CD5L: variants seen among roughly 807,000 people sequenced by gnomAD.
CD5L encodes the protein CD5 molecule like.
Under a neutral mutation model 40.8 loss-of-function variants are expected in CD5L, and 39 were observed. That is an observed-to-expected ratio of 0.96 (90% CI 0.74 to 1.25). The LOEUF is 1.25. Ranked by LOEUF, CD5L falls within the 50% of genes most tolerant of loss-of-function variation. CD5L has a pLI of 0.00. For missense variants in CD5L, 433 were observed against 435.9 expected, an observed-to-expected ratio of 0.99 and a Z score of 0.06; for synonymous variants, 192 against 169.6, an observed-to-expected ratio of 1.13 and a Z score of -1.03.
At chr1:157,841,312 G>A (rs993018895) in intron 1 of CD5L, among the ~76,000 whole-genome samples, 1 of 152,206 alleles carries the variant, frequency 6.6e-6, no homozygotes, top group Non-Finnish European at 1.5e-5. Flanking sequence ...AATGAAAGGT[G>A]ATTGTCTTGC....
At chr1:157,840,549 C>T (rs1656342225) in intron 1 of CD5L, among the ~76,000 whole-genome samples, 1 of 152,142 alleles carries the variant, frequency 6.6e-6, no homozygotes, top group African/African-American at 2.4e-5. Flanking sequence ...CAGAATGTGG[C>T]CACTCTCAGG....
rs1215260089 is a variant in CD5L at position 157,831,379 on chromosome 1, A to G, written c.*585T>C. The G allele has an allele frequency of 7.1e-6, 7 of 984,778 alleles. No individual in the cohort carries two copies. The highest frequency in any genetic ancestry group is 3.5e-5 in the African/African-American group (2 of 57,046). 61.0% of individuals were successfully genotyped at this position (984,778 alleles called of 1,614,324 possible). A position where few individuals can be genotyped will look rare whatever the true frequency, so the allele number is the denominator to read the frequency against. On this transcript the variant is annotated 3_prime_UTR_variant, in exon 6 of 6. Coordinates refer to ENST00000368174, the MANE Select transcript of CD5L (RefSeq NM_005894.3). ...TGCTCTGCTCCTGAAAGAATTGTCT[A>G]CCTACACTAAGAAATAACAGAATAG...
chr1:157,839,697 G>A (rs1656313440), intron 1 of CD5L, among the ~76,000 whole-genome samples: 1 of 115,300 alleles, frequency 8.7e-6, no homozygotes, highest in African/African-American at 3.5e-5. Context: ...CAATTAGATT[G>A]ATTGGTTGTT....
chr1:157,840,688 G>A (rs569123238), intron 1 of CD5L, among the ~76,000 whole-genome samples: 3 of 152,300 alleles, frequency 2.0e-5, no homozygotes, highest in South Asian at 4.1e-4. Flanking sequence ...TGATATGCAG[G>A]TGCAAACGTG....
At chr1:157,828,675 G>A (rs2765494), downstream of CD5L, among the ~76,000 whole-genome samples, 151,630 of 152,354 alleles carry the variant, frequency 1, 75,462 homozygotes, top group Middle Eastern at 1. Flanking sequence ...TGCTCACTTT[G>A]TTGGGTTTTC....
downstream of CD5L, among the ~76,000 whole-genome samples, chr1:157,828,975 C>T (rs1360606579): frequency 1.3e-5 from 2 of 152,212 alleles, no homozygotes; most frequent in African/African-American, 4.8e-5. Flanking sequence ...CTTATTATCT[C>T]CACATGGAGA....
rs758820571 is a variant in CD5L at position 157,833,248 on chromosome 1, C to A, written c.983G>T (p.Arg328Ile). ...EEQSLEQCQH[R>I]FWGFHDCTHQ... ...GGTGCAGTCGTGAAACCCCCAAAAT[C>A]TGTGCTGGCACTGCTCCAGGGACTG... Residue 328 changes from arginine (R) to isoleucine (I), a missense_variant, in exon 5 of 6, where the codon AGA becomes ATA. Coordinates refer to ENST00000368174, the MANE Select transcript of CD5L (RefSeq NM_005894.3). 47 of 1,614,094 alleles carry A rather than the reference C, an allele frequency of 2.9e-5. No individual in the cohort carries two copies. The highest frequency in any genetic ancestry group is 3.7e-5 in the Non-Finnish European group (44 of 1,180,044).
intron 5 of CD5L, among the ~76,000 whole-genome samples, 166 bp downstream of exon 5, chr1:157,833,026 G>C (rs1002342977): frequency 6.6e-6 from 1 of 152,070 alleles, no homozygotes; most frequent in African/African-American, 2.4e-5. Flanking sequence ...CTACCACAGG[G>C]CCTGGACTTC....
intron 2 of CD5L, among the ~76,000 whole-genome samples, chr1:157,837,966 C>T (rs1019485376): frequency 2.6e-5 from 4 of 151,840 alleles, no homozygotes; most frequent in South Asian, 4.2e-4. Flanking sequence ...TTAGTAGAGA[C>T]GGGATTTCAC....
intron 2 of CD5L, among the ~76,000 whole-genome samples, chr1:157,837,810 C>T (rs896899691): frequency 2.2e-5 from 3 of 138,732 alleles, no homozygotes; most frequent in African/African-American, 5.4e-5. Context: ...GAGTCTCACT[C>T]TGTCGCCCAG....
Position 157,833,319 on chromosome 1 carries a change from C to T in CD5L, c.912G>A (p.Gly304=). The T allele has an allele frequency of 6.2e-7, 1 of 1,614,190 alleles. No individual in the cohort carries two copies. Among genetic ancestry groups the T allele is most frequent in the Non-Finnish European group, 8.5e-7 (1 of 1,180,048 alleles). Residue 304 remains glycine, a synonymous_variant, in exon 5 of 6, where the codon GGG becomes GGA. Coordinates refer to ENST00000368174, the MANE Select transcript of CD5L (RefSeq NM_005894.3). ...CATTATCCAGCCAGATGCGGCCAACCCCAGGGCCATAGCATTTCCGGTCTC... is the reference window on the plus strand; with the variant it reads ...CATTATCCAGCCAGATGCGGCCAACTCCAGGGCCATAGCATTTCCGGTCTC... ...SFRDRKCYGP[G]VGRIWLDNVR...
At position 157,831,441 on chromosome 1, in the gene CD5L, A is replaced by G. The variant is rs1457570291; in HGVS notation, c.*523T>C. ...TATTGTGGTCACCTGAAGCTTGAGG[A>G]AAAAAAAAAAAAGTAGTCCAATCAA... On this transcript the variant is annotated 3_prime_UTR_variant, in exon 6 of 6. Coordinates refer to ENST00000368174, the MANE Select transcript of CD5L (RefSeq NM_005894.3). 1.3e-4 allele frequency: 33 copies of G among 251,178 alleles called. No homozygotes were observed. Among genetic ancestry groups the G allele is most frequent in the Non-Finnish European group, 1.8e-4 (30 of 163,524 alleles). 15.6% of individuals were successfully genotyped at this position (251,178 alleles called of 1,614,324 possible).
At chr1:157,835,787 G>A in intron 3 of CD5L, 48 bp downstream of exon 3, 1 of 1,489,992 alleles carries the variant, frequency 6.7e-7, no homozygotes, top group Non-Finnish European at 9.2e-7. Flanking sequence ...GAGTGGCCGT[G>A]AGGGGTATGG....
rs142870154 is a variant in CD5L at position 157,835,883 on chromosome 1, C to A, written c.328G>T (p.Glu110Ter). The change falls in exon 3 of 6, where the codon GAA becomes TAA. Residue 110 changes from glutamate to a stop codon, truncating the protein, a stop_gained. Transcript: ENST00000368174. LOFTEE classifies it high-confidence loss of function. Reference protein sequence around the residue: ...EDTLAQCEQEEVYDCSHDEDA... With the variant: ...EDTLAQCEQE ...TCATCATGTGAACAATCATAAACTT[C>A]TTCTTGCTCACACTGAGCCAATGTA... The A allele has an allele frequency of 3.0e-3, 4,868 of 1,614,162 alleles. 10 individuals are homozygous for A. Among genetic ancestry groups the A allele is most frequent in the South Asian group, 6.0e-3 (549 of 91,078 alleles).
chr1:157,839,218 G>A (rs1656297827), intron 2 of CD5L, among the ~76,000 whole-genome samples, 166 bp downstream of exon 2: 2 of 152,148 alleles, frequency 1.3e-5, no homozygotes, highest in Admixed American at 1.3e-4. Flanking sequence ...CTAAATTCTG[G>A]AGGTGGAAAT....
At position 157,834,604 on chromosome 1, in the gene CD5L, A is replaced by C; in HGVS notation, c.521T>G (p.Val174Gly). 1.2e-6 allele frequency: 2 copies of C among 1,613,974 alleles called. No homozygotes were observed. The highest frequency in any genetic ancestry group is 1.7e-6 in the Non-Finnish European group (2 of 1,179,974). ...CCCACATCCCAGCTGCCGGCACACC[A>C]CCTTTGCGGCCCGGAGGCTCCAGCC... ...QTGWSLRAAK[V>G]VCRQLGCGRA... The change falls in exon 4 of 6, where the codon GTG becomes GGG. Residue 174 changes from valine to glycine, a missense_variant. Physicochemically the swap from Val to Gly is moderately radical, Grantham distance 109 (BLOSUM62 -3). Coordinates refer to ENST00000368174, the MANE Select transcript of CD5L (RefSeq NM_005894.3).
chr1:157,837,505 A>G (rs1307738367), intron 2 of CD5L, among the ~76,000 whole-genome samples: 1 of 152,216 alleles, frequency 6.6e-6, no homozygotes, highest in African/African-American at 2.4e-5. Flanking sequence ...CCATGCTTAC[A>G]TGGAGAGAGA....
intron 1 of CD5L, 83 bp from the exon 2 acceptor site, chr1:157,839,493 C>G: frequency 7.0e-7 from 1 of 1,420,952 alleles, no homozygotes; most frequent in Non-Finnish European, 9.8e-7. Flanking sequence ...CTTCACAGAA[C>G]TGTGTGAGAC....
rs748773689 is a variant in CD5L at position 157,833,478 on chromosome 1, G to A, written c.753C>T (p.Asn251=). The change falls in exon 5 of 6, where the codon AAC becomes AAT. Residue 251 remains asparagine, a synonymous_variant. Coordinates refer to ENST00000368174, the MANE Select transcript of CD5L (RefSeq NM_005894.3). The part of the protein sequence containing the change: ...PFDLRLVGGD[N]LCSGRLEVLH... ...GCACCTCCAGTCGCCCAGAGCAGAG[G>A]TTGTCTCCTCCTACTAGTCTCAAGT... 5 of 1,613,810 alleles carry A rather than the reference G, an allele frequency of 3.1e-6. No homozygotes were observed. The highest frequency in any genetic ancestry group is 4.2e-6 in the Non-Finnish European group (5 of 1,179,876).
Sources: allele counts gnomAD v4.1 joint callset (sites outside exome capture counted in the v4.1 genomes callset), GRCh38; gene constraint gnomAD v4.1.1; transcripts MANE v1.5; gene names NCBI Gene and HGNC (gene_info 2026-07-23, HGNC 2026-07-21).